Variants in RBM19 observed in about 807,000 individuals in gnomAD.
RBM19 encodes RNA binding motif protein 19, also known as probable RNA-binding protein 19.
Under a neutral mutation model 116.8 loss-of-function variants are expected in RBM19, and 94 were observed. That is an observed-to-expected ratio of 0.80 (90% CI 0.68 to 0.95). The LOEUF is 0.95. Among genes scored for constraint, RBM19 ranks in the 40% least tolerant of loss-of-function variants. RBM19 has a pLI of 0.00. For synonymous variants in RBM19, 475 were observed against 494.1 expected (o/e 0.96, Z 0.51); for missense variants, 1,161 against 1,220.7 (o/e 0.95, Z 0.73).
At position 113,825,352 on chromosome 12, in the gene RBM19, G is replaced by A. The variant is rs1157019835; in HGVS notation, c.2786-2031C>T. Among the ~76,000 whole-genome samples the A allele has an allele frequency of 6.6e-6, 1 of 152,144 alleles. No homozygotes were observed. The highest frequency in any genetic ancestry group is 6.5e-5 in the Admixed American group (1 of 15,284). On this transcript the variant is annotated intron_variant, in intron 23 of 23. Transcript: ENST00000261741. This position sits in a 1 kb window ranked among gnomAD's most constrained non-coding sequence, Gnocchi z 5.7. ...GGGACAGGGTGGGCTGGGGTGGTGGGGGCTGGCGGCCCGGGGCTCGGACTC... is the reference window on the plus strand; with the variant it reads ...GGGACAGGGTGGGCTGGGGTGGTGGAGGCTGGCGGCCCGGGGCTCGGACTC...
chr12:113,868,870 T>C (rs568878487), intron 21 of RBM19, among the ~76,000 whole-genome samples: 49 of 152,320 alleles, frequency 3.2e-4, no homozygotes, highest in African/African-American at 1.2e-3. Flanking sequence ...AATCACAGCA[T>C]CACCAAAAGA....
intron 16 of RBM19, among the ~76,000 whole-genome samples, chr12:113,936,664 G>A (rs1438400197): frequency 6.6e-6 from 1 of 152,194 alleles, no homozygotes; most frequent in South Asian, 2.1e-4. Flanking sequence ...ATGAGAATAA[G>A]TATCTCCCAT....
At chr12:113,914,650 T>C (rs1319814293) in intron 21 of RBM19, among the ~76,000 whole-genome samples, 1 of 152,212 alleles carries the variant, frequency 6.6e-6, no homozygotes, top group African/African-American at 2.4e-5. Flanking sequence ...AGATCATGGG[T>C]AGGGCTGGGT....
Position 113,822,977 on chromosome 12 carries a change from T to C in RBM19, c.*247A>G, listed in dbSNP as rs1032606821. ...CTCCCTTGGACTCTTCCGTGTCTGCTACAGAGCAGGTGCGCAGTCAGTGTC... is the reference window on the plus strand; with the variant it reads ...CTCCCTTGGACTCTTCCGTGTCTGCCACAGAGCAGGTGCGCAGTCAGTGTC... On this transcript the variant is annotated 3_prime_UTR_variant, in exon 24 of 24. Coordinates refer to ENST00000261741, the MANE Select transcript of RBM19 (RefSeq NM_016196.4). 6 of 507,544 alleles carry C rather than the reference T, an allele frequency of 1.2e-5. No homozygotes were observed. The highest frequency in any genetic ancestry group is 1.0e-4 in the Admixed American group (3 of 29,524). 31.4% of individuals were successfully genotyped at this position (507,544 alleles called of 1,614,324 possible).
At chr12:113,888,742 C>A (rs1342644682) in intron 21 of RBM19, among the ~76,000 whole-genome samples, 1 of 152,190 alleles carries the variant, frequency 6.6e-6, no homozygotes, top group African/African-American at 2.4e-5. Context: ...GGCAGGGACA[C>A]TGCCTCTGTA....
chr12:113,855,537 C>G (rs1282039819), intron 22 of RBM19, among the ~76,000 whole-genome samples: 3 of 152,138 alleles, frequency 2.0e-5, no homozygotes, highest in Non-Finnish European at 4.4e-5. Flanking sequence ...GGATCAATGC[C>G]CTTGGCGGGG....
intron 23 of RBM19, among the ~76,000 whole-genome samples, chr12:113,838,240 G>A (rs1223674161): frequency 3.9e-5 from 6 of 152,208 alleles, no homozygotes; most frequent in Non-Finnish European, 4.4e-5. Flanking sequence ...AGCGTGCATG[G>A]CTTTGGGATG....
intron 1 of RBM19, among the ~76,000 whole-genome samples, chr12:113,963,170 A>G (rs1872640928): frequency 6.6e-6 from 1 of 152,244 alleles, no homozygotes; most frequent in African/African-American, 2.4e-5. Flanking sequence ...TCTGACCTGC[A>G]AAACTGTAAG....
At chr12:113,887,910 T>A (rs1347702739) in intron 21 of RBM19, among the ~76,000 whole-genome samples, 4 of 152,028 alleles carry the variant, frequency 2.6e-5, no homozygotes, top group African/African-American at 9.7e-5. Flanking sequence ...TCTGTAGAGG[T>A]GAGGTCTCAC....
At chr12:113,845,287 C>T (rs1876863112) in intron 22 of RBM19, among the ~76,000 whole-genome samples, 1 of 152,168 alleles carries the variant, frequency 6.6e-6, no homozygotes. Context: ...CTGCCAGTGC[C>T]CTTCGCTTCC....
At chr12:113,939,716 C>T (rs113417363) in intron 15 of RBM19, among the ~76,000 whole-genome samples, 1 of 151,838 alleles carries the variant, frequency 6.6e-6, no homozygotes, top group African/African-American at 2.4e-5. Context: ...CGCCACTGCA[C>T]TCCAGCCTGG....
intron 21 of RBM19, among the ~76,000 whole-genome samples, chr12:113,892,651 TAA>T (rs1258849075): frequency 6.6e-6 from 1 of 152,110 alleles, no homozygotes; most frequent in Non-Finnish European, 1.5e-5. Flanking sequence ...GCTTTGGAGT[TAA>T]AGAGGAATGC....
chr12:113,938,902 T>C (rs1267879596), intron 15 of RBM19, among the ~76,000 whole-genome samples: 1 of 132,756 alleles, frequency 7.5e-6, no homozygotes, highest in Admixed American at 8.1e-5. Context: ...TTTCAGACTG[T>C]GGCCTTCGGA....
chr12:113,882,533 G>T (rs1437637286), intron 21 of RBM19, among the ~76,000 whole-genome samples: 1 of 152,246 alleles, frequency 6.6e-6, no homozygotes, highest in Non-Finnish European at 1.5e-5. Flanking sequence ...GGAATCTCAA[G>T]ATGAACGACT....
Position 113,957,925 on chromosome 12 carries a change from C to G in RBM19, c.697G>C (p.Ala233Pro). 1 of 1,614,190 alleles carries G rather than the reference C, an allele frequency of 6.2e-7. No individual in the cohort carries two copies. Among genetic ancestry groups the G allele is most frequent in the Non-Finnish European group, 8.5e-7 (1 of 1,180,016 alleles). ...SSEEEESEDEAVHCDEGSEAE... is the reference protein window; with the variant it reads ...SSEEEESEDEPVHCDEGSEAE... ...TCACTCCCTTCATCACAGTGCACGGCTTCATCTTCACTTTCCTCTTCCTCC... is the reference window on the plus strand; with the variant it reads ...TCACTCCCTTCATCACAGTGCACGGGTTCATCTTCACTTTCCTCTTCCTCC... The change falls in exon 6 of 24, where the codon GCC (alanine) becomes CCC (proline). Residue 233 changes from alanine (A) to proline (P), a missense_variant. Transcript: ENST00000261741.
chr12:113,939,328 C>A (rs7299199), intron 15 of RBM19, among the ~76,000 whole-genome samples: 5 of 151,270 alleles, frequency 3.3e-5, no homozygotes, highest in South Asian at 2.1e-4. Context: ...AATACTTTTT[C>A]AAAAAAATAA....
intron 23 of RBM19, among the ~76,000 whole-genome samples, chr12:113,836,639 G>A (rs1376811923): frequency 6.6e-6 from 1 of 152,022 alleles, no homozygotes; most frequent in Non-Finnish European, 1.5e-5. Flanking sequence ...GTTGCTGCTT[G>A]AGCAGTGAGT....
intron 22 of RBM19, among the ~76,000 whole-genome samples, chr12:113,852,273 G>A (rs546276393): frequency 6.6e-6 from 1 of 152,250 alleles, no homozygotes; most frequent in South Asian, 2.1e-4. Flanking sequence ...TCCTGGCACT[G>A]AGTCTTGGCC....
Position 113,929,461 on chromosome 12 carries a change from T to G in RBM19, c.2069-2232A>C, listed in dbSNP as rs186563772. On this transcript the variant is annotated intron_variant, in intron 16 of 23. Transcript: ENST00000261741. The stretch of plus-strand genomic sequence containing the variant: ...AAGGCTCCTCCCCCAACCAAGAAAC[T>G]AACACAATTTACCCAACAAGAGAGA... Among the ~76,000 whole-genome samples the G allele has an allele frequency of 1.4e-4, 21 of 152,144 alleles. No homozygotes were observed. The East Asian group carries it at 4.1e-3, about 29-fold the overall frequency.
Sources: allele counts gnomAD v4.1 joint callset (sites outside exome capture counted in the v4.1 genomes callset), GRCh38; gene constraint gnomAD v4.1.1; non-coding constraint Gnocchi (gnomAD v3.1); transcripts MANE v1.5; gene names NCBI Gene and HGNC (gene_info 2026-07-23, HGNC 2026-07-21).